The following ZMIZ1 variants were observed in gnomAD, a reference collection of about 807,000 sequenced individuals.
The protein encoded by ZMIZ1 is zinc finger MIZ-type containing 1.
In ZMIZ1, 17 loss-of-function variants were observed where a neutral mutation model predicts 113.9. That is an observed-to-expected ratio of 0.15 (90% CI 0.10 to 0.22). The LOEUF is 0.22. Among genes scored for constraint, ZMIZ1 ranks in the 10% least tolerant of loss-of-function variants. The pLI is 1.00. For synonymous variants in ZMIZ1, 607 were observed against 603.1 expected (o/e 1.01, Z -0.09); for missense variants, 1,059 against 1,477.8 (o/e 0.72, Z 4.65).
chr10:79,093,566 A>T (rs1228937868), intron 1 of ZMIZ1, among the ~76,000 whole-genome samples: 1 of 152,076 alleles, frequency 6.6e-6, no homozygotes, highest in Non-Finnish European at 1.5e-5. Flanking sequence ...ACCTCAAGTG[A>T]TCCACCCACT....
chr10:79,071,109 G>A (rs539745318), intron 1 of ZMIZ1, among the ~76,000 whole-genome samples: 1 of 152,308 alleles, frequency 6.6e-6, no homozygotes, highest in Admixed American at 6.5e-5. Context: ...GTAGGGCCCA[G>A]CCCCAAAGAT....
intron 7 of ZMIZ1, among the ~76,000 whole-genome samples, chr10:79,227,122 C>T (rs921860855): frequency 6.6e-6 from 1 of 152,184 alleles, no homozygotes. Flanking sequence ...AACATTCAAC[C>T]CCAAAGCCAC....
At chr10:79,078,176 T>C (rs1179076425) in intron 1 of ZMIZ1, among the ~76,000 whole-genome samples, 1 of 152,208 alleles carries the variant, frequency 6.6e-6, no homozygotes. Context: ...CTGAGAAGCT[T>C]ATTTTTTTCA....
At chr10:79,084,499 C>T (rs1370189147) in intron 1 of ZMIZ1, among the ~76,000 whole-genome samples, 3 of 152,254 alleles carry the variant, frequency 2.0e-5, no homozygotes, top group South Asian at 2.1e-4. Flanking sequence ...CTTGGCCACA[C>T]GGGATCAACC....
At chr10:79,264,892 T>C (rs1851497405) in intron 7 of ZMIZ1, among the ~76,000 whole-genome samples, 1 of 152,234 alleles carries the variant, frequency 6.6e-6, no homozygotes, top group Non-Finnish European at 1.5e-5. Flanking sequence ...GAGCTTGTTT[T>C]GGGATGTCTT....
intron 4 of ZMIZ1, among the ~76,000 whole-genome samples, chr10:79,178,485 G>C (rs370451258): frequency 1.6e-4 from 24 of 152,302 alleles, no homozygotes; most frequent in African/African-American, 5.1e-4. Context: ...CCCCTCACCA[G>C]TTGGAGCTGG....
At chr10:79,247,613 A>C (rs958573335) in intron 7 of ZMIZ1, among the ~76,000 whole-genome samples, 3 of 152,098 alleles carry the variant, frequency 2.0e-5, no homozygotes, top group Non-Finnish European at 4.4e-5. Context: ...GGGTTCCCCA[A>C]CTGCTCCCAC....
At chr10:79,232,643 T>C (rs1240812807) in intron 7 of ZMIZ1, among the ~76,000 whole-genome samples, 1 of 152,172 alleles carries the variant, frequency 6.6e-6, no homozygotes, top group Non-Finnish European at 1.5e-5. Context: ...ATTGCCACCA[T>C]ACCTTTATGT....
At chr10:79,189,901 C>T (rs1417958126) in intron 4 of ZMIZ1, among the ~76,000 whole-genome samples, 1 of 152,200 alleles carries the variant, frequency 6.6e-6, no homozygotes, top group African/African-American at 2.4e-5. Context: ...CGAGGTGGCT[C>T]AGTCCCCTGA....
chr10:79,183,805 C>T (rs1847233903), intron 4 of ZMIZ1, among the ~76,000 whole-genome samples: 4 of 152,130 alleles, frequency 2.6e-5, no homozygotes, highest in Admixed American at 2.6e-4. Context: ...ATAGTGAGTT[C>T]AGGAAGGCAC....
chr10:79,146,522 C>T (rs748087345), intron 3 of ZMIZ1, among the ~76,000 whole-genome samples: 9 of 152,222 alleles, frequency 5.9e-5, no homozygotes, highest in African/African-American at 9.6e-5. Flanking sequence ...GGCAGCTCTG[C>T]CATTTATCAC....
chr10:79,191,549 G>A (rs955401996), intron 4 of ZMIZ1, among the ~76,000 whole-genome samples: 4 of 152,208 alleles, frequency 2.6e-5, no homozygotes, highest in Admixed American at 2.0e-4. Context: ...CTGCTATCCT[G>A]GGAGAGGCTT....
At chr10:79,285,469 A>G in intron 8 of ZMIZ1, 1 of 456,078 alleles carries the variant, frequency 2.2e-6, no homozygotes, top group Non-Finnish European at 4.4e-6. Flanking sequence ...TTGCTGAGGC[A>G]TACAGAGAGT....
chr10:79,243,845 GC>G (rs1322391806), intron 7 of ZMIZ1: 1 of 166,660 alleles, frequency 6.0e-6, no homozygotes, highest in Non-Finnish European at 1.3e-5. Context: ...ACAGAGGAGG[GC>G]CGGTGCATTG....
chr10:79,112,626 T>A (rs1629008), intron 1 of ZMIZ1, among the ~76,000 whole-genome samples: 42,388 of 152,028 alleles, frequency 0.28, 6,944 homozygotes, highest in Non-Finnish European at 0.38. Flanking sequence ...GGAAGGTTGA[T>A]GGCAGAGCCC....
chr10:79,123,670 CT>C (rs1844393938), intron 2 of ZMIZ1, among the ~76,000 whole-genome samples: 1 of 152,216 alleles, frequency 6.6e-6, no homozygotes, highest in Non-Finnish European at 1.5e-5. Flanking sequence ...GCTCAGAGCT[CT>C]GTGGGCAGCC....
intron 19 of ZMIZ1, among the ~76,000 whole-genome samples, 182 bp downstream of exon 19, chr10:79,304,357 T>A (rs907593540): frequency 2.6e-5 from 4 of 152,230 alleles, no homozygotes; most frequent in Admixed American, 2.6e-4. Flanking sequence ...CTTTTCTGTG[T>A]GCTTAAGGCC....
chr10:79,196,906 C>T (rs959965040), intron 4 of ZMIZ1, among the ~76,000 whole-genome samples: 9 of 152,250 alleles, frequency 5.9e-5, no homozygotes, highest in Non-Finnish European at 1.3e-4. Context: ...GAAGCCCACT[C>T]GAAGTCCATC....
chr10:79,141,128 C>CA (rs1845244476), intron 3 of ZMIZ1, among the ~76,000 whole-genome samples: 1 of 152,140 alleles, frequency 6.6e-6, no homozygotes. Flanking sequence ...ACCATGACGA[C>CA]ACAGGGGACG....
Sources: gnomAD v4.1 joint callset for allele counts (sites outside exome capture counted in the v4.1 genomes callset) on GRCh38, gnomAD v4.1.1 for gene constraint, MANE v1.5 for transcripts, NCBI Gene and HGNC (gene_info 2026-07-23, HGNC 2026-07-21) for gene names.